PBX1: variants seen among roughly 807,000 people sequenced by gnomAD.
PBX1 encodes the protein PBX homeobox 1.
In PBX1, 6 loss-of-function variants were observed where a neutral mutation model predicts 53.4. That is an observed-to-expected ratio of 0.11 (90% CI 0.06 to 0.22). PBX1 has a LOEUF of 0.22. Among genes scored for constraint, PBX1 ranks in the 10% least tolerant of loss-of-function variants. The pLI is 1.00. For missense variants in PBX1, 251 were observed against 551.4 expected, an observed-to-expected ratio of 0.46 and a Z score of 5.46; for synonymous variants, 204 against 212.3, an observed-to-expected ratio of 0.96 and a Z score of 0.34.
intron 2 of PBX1, chr1:164,590,482 G>T (rs902306291): frequency 6.6e-6 from 3 of 455,938 alleles, no homozygotes; most frequent in Non-Finnish European, 1.3e-5. Context: ...CTAAACTGAC[G>T]AGGAGGAAGT....
At chr1:164,596,723 A>G (rs1312346677) in intron 2 of PBX1, among the ~76,000 whole-genome samples, 1 of 152,194 alleles carries the variant, frequency 6.6e-6, no homozygotes, top group East Asian at 1.9e-4. Context: ...GTTCAGTTCC[A>G]TATGTATAAA....
chr1:164,722,684 G>C (rs528802781), intron 2 of PBX1, among the ~76,000 whole-genome samples: 3 of 151,824 alleles, frequency 2.0e-5, no homozygotes, highest in Admixed American at 6.6e-5. Context: ...CTTTGTTTTG[G>C]TCATTTTTCT....
intron 5 of PBX1, among the ~76,000 whole-genome samples, chr1:164,809,407 C>T (rs891619054): frequency 3.3e-5 from 5 of 152,150 alleles, no homozygotes; most frequent in African/African-American, 1.2e-4. Context: ...CTTTCTTCCC[C>T]ATCACATCTG....
intron 2 of PBX1, among the ~76,000 whole-genome samples, chr1:164,589,473 T>C (rs1412903918): frequency 6.6e-6 from 1 of 152,080 alleles, no homozygotes; most frequent in Admixed American, 6.5e-5. Flanking sequence ...TTCTCTGGGA[T>C]ATAAGGGTTC....
At chr1:164,650,889 T>C (rs1236948750) in intron 2 of PBX1, among the ~76,000 whole-genome samples, 1 of 152,034 alleles carries the variant, frequency 6.6e-6, no homozygotes, top group African/African-American at 2.4e-5. Context: ...TCTCCCTTCT[T>C]TTCCTCCTTG....
intron 2 of PBX1, among the ~76,000 whole-genome samples, chr1:164,570,056 T>G (rs1653739217): frequency 6.6e-6 from 1 of 152,184 alleles, no homozygotes; most frequent in Non-Finnish European, 1.5e-5. Flanking sequence ...TGGTGTTTTC[T>G]TAGCGTCAGC....
chr1:164,751,635 T>A (rs1666228587), intron 2 of PBX1, among the ~76,000 whole-genome samples: 1 of 145,256 alleles, frequency 6.9e-6, no homozygotes, highest in Admixed American at 7.1e-5. Context: ...CAGCCTAGAG[T>A]GCAATAGGGC....
At chr1:164,657,641 T>G (rs1660240576) in intron 2 of PBX1, among the ~76,000 whole-genome samples, 1 of 152,236 alleles carries the variant, frequency 6.6e-6, no homozygotes, top group East Asian at 1.9e-4. Context: ...ATTAACCTTC[T>G]TGTTTAATCT....
At chr1:164,597,228 G>C (rs1473454757) in intron 2 of PBX1, among the ~76,000 whole-genome samples, 6 of 152,218 alleles carry the variant, frequency 3.9e-5, no homozygotes, top group Non-Finnish European at 8.8e-5. Context: ...TGTACAACCA[G>C]TTACCTCACT....
intron 2 of PBX1, among the ~76,000 whole-genome samples, chr1:164,576,606 C>T (rs1408132941): frequency 6.6e-6 from 1 of 152,326 alleles, no homozygotes; most frequent in Non-Finnish European, 1.5e-5. Flanking sequence ...TTGCCTGGCC[C>T]GGGTTGCAGT....
chr1:164,703,475 T>G (rs1233124527), intron 2 of PBX1, among the ~76,000 whole-genome samples: 1 of 152,320 alleles, frequency 6.6e-6, no homozygotes, highest in East Asian at 1.9e-4. Flanking sequence ...TATAGGTCCA[T>G]GTATTGTTGA....
At chr1:164,663,833 A>G (rs772915413) in intron 2 of PBX1, among the ~76,000 whole-genome samples, 1 of 152,236 alleles carries the variant, frequency 6.6e-6, no homozygotes, top group African/African-American at 2.4e-5. Context: ...TAGTAGAGCT[A>G]TGACTAATCA....
chr1:164,565,751 T>A (rs1653390547), intron 2 of PBX1, among the ~76,000 whole-genome samples: 1 of 120,616 alleles, frequency 8.3e-6, no homozygotes, highest in African/African-American at 3.0e-5. Flanking sequence ...TGCAGGAGCT[T>A]TTTTTTTTTT....
chr1:164,848,191 C>T lies in PBX1; in HGVS notation c.*1515C>T, dbSNP rs1671662708. The T allele has an allele frequency of 7.6e-6, 8 of 1,049,122 alleles. No homozygotes were observed. The highest frequency in any genetic ancestry group is 4.3e-4 in the Middle Eastern group (1 of 2,308). 65.0% of individuals were successfully genotyped at this position (1,049,122 alleles called of 1,614,324 possible). A position where few individuals can be genotyped will look rare whatever the true frequency, so the allele number is the denominator to read the frequency against. On this transcript the variant is annotated 3_prime_UTR_variant, in exon 9 of 9. Transcript: ENST00000420696. ...TGATTTTTATTCCCTGGGAACACAGCGTGTACTAAAAATACATGAGAAAAT... is the reference window on the plus strand; with the variant it reads ...TGATTTTTATTCCCTGGGAACACAGTGTGTACTAAAAATACATGAGAAAAT...
intron 2 of PBX1, among the ~76,000 whole-genome samples, chr1:164,645,842 T>G (rs527940072): frequency 1.7e-4 from 26 of 152,308 alleles, no homozygotes; most frequent in African/African-American, 6.3e-4. Flanking sequence ...TTAACTTTCT[T>G]CAGTCCAGGT....
chr1:164,665,970 G>C (rs969701353), intron 2 of PBX1, among the ~76,000 whole-genome samples: 1 of 152,168 alleles, frequency 6.6e-6, no homozygotes, highest in African/African-American at 2.4e-5. Context: ...GACTTGTAAA[G>C]TAGGGAATTA....
chr1:164,846,982 C>T lies in PBX1; in HGVS notation c.*306C>T, dbSNP rs1671605649. 3.3e-6 allele frequency: 4 copies of T among 1,210,308 alleles called. No individual in the cohort carries two copies. In the East Asian group the frequency reaches 1.3e-4, roughly 39 times the overall value. The allele number at this position is 1,210,308 out of a possible 1,614,324, so 75.0% of individuals were successfully genotyped here. ...TAGACTCCCGGGGTCCCCGCCCTCT[C>T]TCATATCACTGAAGGATATTTTCAA... On this transcript the variant is annotated 3_prime_UTR_variant, in exon 9 of 9. Coordinates refer to ENST00000420696, the MANE Select transcript of PBX1 (RefSeq NM_002585.4).
rs4504863 is a variant in PBX1, at chr1:164,870,362, G to A, written n.258-28826G>A. Among the ~76,000 whole-genome samples, 26 of 98,084 alleles carry A rather than the reference G, an allele frequency of 2.7e-4. 1 individual carries two copies. In the East Asian group the frequency reaches 5.4e-3, roughly 20 times the overall value. The allele number at this position is 98,084 out of a possible 152,430, so 64.3% of individuals were successfully genotyped here. On this transcript the variant is annotated intron_variant and non_coding_transcript_variant, in intron 2 of 2. Coordinates refer to the PBX1 transcript ENST00000558796. ...CTTTCTTTCTTTCTTTCTTTCTTTC[G>A]AGATGAAGTCTTGCTCTGTCTCCCC...
At chr1:164,865,372 C>T (rs1327591009) in intron 2 of PBX1, among the ~76,000 whole-genome samples, 1 of 152,188 alleles carries the variant, frequency 6.6e-6, no homozygotes, top group Non-Finnish European at 1.5e-5. Flanking sequence ...CTGCAGCTTC[C>T]ACCCGAACCA....
Sources: allele counts gnomAD v4.1 joint callset (sites outside exome capture counted in the v4.1 genomes callset), GRCh38; gene constraint gnomAD v4.1.1; transcripts MANE v1.5; gene names NCBI Gene and HGNC (gene_info 2026-07-23, HGNC 2026-07-21).